Variants in CSMD1 observed in about 807,000 individuals in gnomAD.
The protein encoded by CSMD1 is CUB and Sushi multiple domains 1, also known as CUB and sushi domain-containing protein 1.
In CSMD1, 213 loss-of-function variants were observed where a neutral mutation model predicts 417.5. That is an observed-to-expected ratio of 0.51 (90% CI 0.46 to 0.57). The LOEUF (loss-of-function observed/expected upper bound fraction) is 0.57, where lower values mean the gene tolerates loss of function less well. Ranked by LOEUF, CSMD1 falls within the 20% of genes least tolerant of loss-of-function variation. The pLI is 0.00. For missense variants in CSMD1, 6,923 were observed against 4,529.7 expected (o/e 1.53, Z -15.17); for synonymous variants, 2,862 against 1,736.8 (o/e 1.65, Z -16.11).
rs1029048591 is a variant in CSMD1 at position 4,070,277 on chromosome 8, ATGT to A, written c.416-38181_416-38179del. On this transcript the variant is annotated intron_variant, in intron 3 of 69. Coordinates refer to ENST00000635120, the MANE Select transcript of CSMD1 (RefSeq NM_033225.6). Reference sequence around the variant, plus strand: ...CATGCAATTCAAACTCTAAAACATAATGTTGTTATTTTTACTTAAAAAGTCTCA... The same window carrying A: ...CATGCAATTCAAACTCTAAAACATAATGTTATTTTTACTTAAAAAGTCTCA... Among the ~76,000 whole-genome samples, 9 of 152,316 alleles carry A rather than the reference ATGT, an allele frequency of 5.9e-5. 1 individual carries two copies. In the South Asian group the frequency reaches 8.3e-4, roughly 14 times the overall value.
intron 37 of CSMD1, among the ~76,000 whole-genome samples, chr8:3,169,601 G>C (rs557995491): frequency 2.6e-5 from 4 of 152,062 alleles, no homozygotes; most frequent in African/African-American, 9.7e-5. Flanking sequence ...AAAACAATGT[G>C]CATATACTTA....
chr8:4,512,509 C>T (rs1037800696), intron 2 of CSMD1, among the ~76,000 whole-genome samples: 14 of 152,088 alleles, frequency 9.2e-5, no homozygotes, highest in Admixed American at 6.6e-4. Context: ...GCAGGTGACA[C>T]AACTGTCTAT....
chr8:4,761,866 TCTATCTATCTATCTATCTATCTAC>T (rs1563318941), intron 1 of CSMD1, among the ~76,000 whole-genome samples: 1,016 of 89,082 alleles, frequency 0.011, 7 homozygotes, highest in Middle Eastern at 0.033. Context: ...TATCTATCTA[TCTATCTATCTATCTATCTATCTAC>T]CTACCTATCT....
intron 26 of CSMD1, among the ~76,000 whole-genome samples, chr8:3,231,930 T>G (rs1798863329): frequency 6.6e-6 from 1 of 152,208 alleles, no homozygotes; most frequent in Non-Finnish European, 1.5e-5. Context: ...CTCCTTGCTA[T>G]TCTCTAAGCT....
chr8:3,580,433 G>T (rs1800334172), intron 9 of CSMD1, among the ~76,000 whole-genome samples: 1 of 152,216 alleles, frequency 6.6e-6, no homozygotes, highest in African/African-American at 2.4e-5. Context: ...GAAACCAAAT[G>T]CAAGAATCCT....
At chr8:4,131,936 G>T (rs988434632) in intron 3 of CSMD1, among the ~76,000 whole-genome samples, 1 of 151,236 alleles carries the variant, frequency 6.6e-6, no homozygotes, top group Non-Finnish European at 1.5e-5. Flanking sequence ...CTACTTTTTT[G>T]GTATTTTTTA....
At chr8:4,394,213 T>C (rs1804052956) in intron 3 of CSMD1, among the ~76,000 whole-genome samples, 1 of 152,286 alleles carries the variant, frequency 6.6e-6, no homozygotes, top group African/African-American at 2.4e-5. Context: ...AGTGCCTAGG[T>C]CTTAGAAAAA....
At chr8:3,362,408 C>T (rs1159937593) in intron 20 of CSMD1, among the ~76,000 whole-genome samples, 4 of 152,156 alleles carry the variant, frequency 2.6e-5, no homozygotes, top group African/African-American at 7.2e-5. Flanking sequence ...CTTAGGCTTC[C>T]TCTTACTAAG....
At chr8:3,263,991 G>C (rs746095173) in intron 26 of CSMD1, among the ~76,000 whole-genome samples, 2 of 152,164 alleles carry the variant, frequency 1.3e-5, no homozygotes, top group African/African-American at 2.4e-5. Context: ...TCATGAAACT[G>C]AAAGATCCTT....
intron 3 of CSMD1, among the ~76,000 whole-genome samples, chr8:4,367,987 T>C (rs557552493): frequency 5.9e-5 from 9 of 152,036 alleles, no homozygotes; most frequent in East Asian, 3.9e-4. Flanking sequence ...TAGAGTTACA[T>C]TGTCAGTGAA....
At chr8:4,795,585 A>T (rs951326086) in intron 1 of CSMD1, among the ~76,000 whole-genome samples, 4 of 151,622 alleles carry the variant, frequency 2.6e-5, no homozygotes, top group Non-Finnish European at 5.9e-5. Context: ...TTTTTTTCAA[A>T]TTTTCTGTTT....
At chr8:3,962,736 C>G (rs980156534) in intron 5 of CSMD1, among the ~76,000 whole-genome samples, 1 of 152,036 alleles carries the variant, frequency 6.6e-6, no homozygotes, top group Admixed American at 6.6e-5. Flanking sequence ...GGGTTGGACT[C>G]AAGGCTGGAC....
chr8:3,671,560 CATATATATATATATAT>C (rs752837903), intron 7 of CSMD1, among the ~76,000 whole-genome samples: 1 of 6,526 alleles, frequency 1.5e-4, no homozygotes, highest in Non-Finnish European at 3.4e-4. Flanking sequence ...TATATATGAT[CATATATATATATATAT>C]ATATATATAT....
At chr8:4,190,818 G>T (rs1798982140) in intron 3 of CSMD1, among the ~76,000 whole-genome samples, 1 of 151,994 alleles carries the variant, frequency 6.6e-6, no homozygotes. Flanking sequence ...TGGAGCTGGG[G>T]GCCATTACCC....
chr8:4,033,250 C>T (rs909248243), intron 3 of CSMD1, among the ~76,000 whole-genome samples: 1 of 151,146 alleles, frequency 6.6e-6, no homozygotes, highest in Admixed American at 6.6e-5. Context: ...ACCATCCTGG[C>T]TAACACGGTG....
intron 3 of CSMD1, among the ~76,000 whole-genome samples, chr8:4,114,428 C>T (rs560359572): frequency 3.3e-5 from 5 of 152,300 alleles, no homozygotes; most frequent in East Asian, 1.9e-4. Context: ...ATTGACAACA[C>T]AGGTGGTTAC....
chr8:3,282,264 C>T (rs904361647), intron 26 of CSMD1, among the ~76,000 whole-genome samples: 1 of 152,056 alleles, frequency 6.6e-6, no homozygotes, highest in Non-Finnish European at 1.5e-5. Flanking sequence ...AAATGGACCA[C>T]TCTGTGGGGA....
rs997668906 is a variant in CSMD1, at chr8:3,468,758, C to G, written c.1515G>C (p.Gln505His). 3 of 1,607,414 alleles carry G rather than the reference C, an allele frequency of 1.9e-6. No homozygotes were observed. Among genetic ancestry groups the G allele is most frequent in the Admixed American group, 3.4e-5 (2 of 59,252 alleles). Residue 505 changes from glutamine (Q) to histidine (H), a missense_variant, in exon 12 of 70, where the codon CAG becomes CAC. Transcript: ENST00000635120. ...CAGGTGAGCCAATGCTATCATCCGA[C>G]TGCAGATGTAGCCACATCTGGTTGC... ...SMSNQMWLHL[Q>H]SDDSIGSPGF... is the part of the protein sequence containing the mutation.
intron 5 of CSMD1, among the ~76,000 whole-genome samples, chr8:3,770,032 A>G (rs1798485663): frequency 6.6e-6 from 1 of 152,040 alleles, no homozygotes; most frequent in Admixed American, 6.5e-5. Context: ...CCAATTTTCT[A>G]CCTTTGCTGT....
Sources: allele counts gnomAD v4.1 joint callset (sites outside exome capture counted in the v4.1 genomes callset), GRCh38; gene constraint gnomAD v4.1.1; transcripts MANE v1.5; gene names NCBI Gene and HGNC (gene_info 2026-07-23, HGNC 2026-07-21).